LARS1: variants seen among roughly 807,000 people sequenced by gnomAD.
The protein encoded by LARS1 is leucine--tRNA ligase, cytoplasmic.
A neutral mutation model predicts 162.8 loss-of-function variants in LARS1; 100 were observed. The observed-to-expected ratio is 0.61, with a 90% CI of 0.52 to 0.73. The LOEUF (loss-of-function observed/expected upper bound fraction) is 0.73, where lower values mean the gene tolerates loss of function less well. Ranked by LOEUF, LARS1 falls within the 30% of genes least tolerant of loss-of-function variation. LARS1 has a pLI of 0.00. For synonymous variants in LARS1, 457 were observed against 462.8 expected (o/e 0.99, Z 0.16); for missense variants, 1,258 against 1,408.9 (o/e 0.89, Z 1.71).
chr5:146,132,825 A>T, intron 23 of LARS1, 73 bp downstream of exon 23: 1 of 1,161,534 alleles, frequency 8.6e-7, no homozygotes, highest in South Asian at 1.6e-5. Flanking sequence ...AAGAAAAGAA[A>T]AGAAAAAGAA....
intron 28 of LARS1, among the ~76,000 whole-genome samples, chr5:146,125,790 G>A (rs781086414): frequency 6.6e-6 from 1 of 151,942 alleles, no homozygotes; most frequent in Non-Finnish European, 1.5e-5. Flanking sequence ...CATCAGCGAC[G>A]TATATGAAGA....
intron 15 of LARS1, among the ~76,000 whole-genome samples, chr5:146,147,763 A>T (rs1391940169): frequency 2.0e-5 from 3 of 152,172 alleles, no homozygotes; most frequent in Admixed American, 2.0e-4. Context: ...ATAATCAAGA[A>T]AAAAGTCAAG....
In LARS1 at chr5:146,157,569, A is replaced by T. The variant is rs1753586972; in HGVS notation, c.899T>A (p.Phe300Tyr). 1.2e-6 allele frequency: 2 copies of T among 1,614,172 alleles called. No individual in the cohort carries two copies. Among genetic ancestry groups the T allele is most frequent in the African/African-American group, 2.7e-5 (2 of 75,050 alleles). Residue 300 changes from phenylalanine to tyrosine, a missense_variant, in exon 10 of 32, where the codon TTT becomes TAT. Phe to Tyr is a conservative substitution (Grantham distance 22, BLOSUM62 3). Coordinates refer to ENST00000394434, the MANE Select transcript of LARS1 (RefSeq NM_020117.11). Reference sequence around the variant, plus strand: ...ACGAACCCAACAATTTGTCTGCCCAAACATGGTCTCAGGTCTGAGAGTAGC... The same window carrying T: ...ACGAACCCAACAATTTGTCTGCCCATACATGGTCTCAGGTCTGAGAGTAGC... ...VAATLRPETM[F>Y]GQTNCWVRPD...
At chr5:146,125,491 AAAC>A (rs1752004503) in intron 28 of LARS1, among the ~76,000 whole-genome samples, 3 of 152,158 alleles carry the variant, frequency 2.0e-5, no homozygotes, top group South Asian at 4.1e-4. Flanking sequence ...TTGTATTTTT[AAAC>A]AACATTTACT....
At chr5:146,159,044 C>T (rs983904588) in intron 8 of LARS1, among the ~76,000 whole-genome samples, 46 of 151,200 alleles carry the variant, frequency 3.0e-4, no homozygotes, top group Non-Finnish European at 5.3e-4. Context: ...TGCAGTGAGC[C>T]GAGATAGCAC....
chr5:146,117,897 G>C (rs1751629357), intron 31 of LARS1, among the ~76,000 whole-genome samples: 1 of 152,206 alleles, frequency 6.6e-6, no homozygotes. Flanking sequence ...GTAGGAAGTA[G>C]AACAGTGTGG....
At chr5:146,118,697 G>C (rs1022709482) in intron 31 of LARS1, among the ~76,000 whole-genome samples, 6 of 152,150 alleles carry the variant, frequency 3.9e-5, no homozygotes, top group African/African-American at 1.4e-4. Context: ...GTGATTACCA[G>C]GGACTGGAGG....
chr5:146,129,073 T>C lies in LARS1; in HGVS notation c.2674A>G (p.Asn892Asp), dbSNP rs61732383. The stretch of plus-strand genomic sequence containing the variant: ...TGTGAGGAGTGTATTAAAACTTCAT[T>C]AACAGGACCTGCCACAGGCCATGAA... ...NASWPVAGPV[N>D]EVLIHSSQYL... is the part of the protein sequence containing the mutation. The change falls in exon 26 of 32, where the codon AAT (asparagine) becomes GAT (aspartate). Residue 892 changes from asparagine (N) to aspartate (D), a missense_variant. Transcript: ENST00000394434. The C allele has an allele frequency of 0.27, 434,743 of 1,598,302 alleles. 63,848 individuals are homozygous for C. The highest frequency in any genetic ancestry group is 0.41 in the Admixed American group (24,363 of 58,994).
intron 14 of LARS1, among the ~76,000 whole-genome samples, 170 bp from the exon 15 acceptor site, chr5:146,149,869 CT>C (rs2126508441): frequency 6.6e-6 from 1 of 151,228 alleles, no homozygotes; most frequent in South Asian, 2.1e-4. Context: ...GCATGGATAA[CT>C]AATATTTATA....
chr5:146,152,857 T>C (rs1753355862), intron 13 of LARS1, among the ~76,000 whole-genome samples: 1 of 152,238 alleles, frequency 6.6e-6, no homozygotes, highest in African/African-American at 2.4e-5. Context: ...CATATAAACA[T>C]TCATGAAAAG....
chr5:146,163,532 A>T (rs1753868004), intron 6 of LARS1, among the ~76,000 whole-genome samples: 1 of 152,180 alleles, frequency 6.6e-6, no homozygotes, highest in East Asian at 1.9e-4. Flanking sequence ...CTAAAAATAC[A>T]AAAATTAGCC....
Position 146,113,664 on chromosome 5 carries a change from T to TA in LARS1, c.*441dup, listed in dbSNP as rs35861595. ...AAATCATCATGAAGTTCTCTTCATTTAAAAAAAAAAGCTGCTAATTTACTA... is the reference window on the plus strand; with the variant it reads ...AAATCATCATGAAGTTCTCTTCATTTAAAAAAAAAAAGCTGCTAATTTACTA... On this transcript the variant is annotated 3_prime_UTR_variant, in exon 32 of 32. Transcript: ENST00000394434. The TA allele has an allele frequency of 0.23, 33,856 of 150,144 alleles. 4,645 individuals are homozygous for TA. The highest frequency in any genetic ancestry group is 0.33 in the Admixed American group (5,072 of 15,190). 9.3% of individuals were successfully genotyped at this position (150,144 alleles called of 1,614,324 possible).
At position 146,159,472 on chromosome 5, in the gene LARS1, TA is replaced by T. The variant is rs1323153792; in HGVS notation, c.708-3del. ...TCTTTCGGAGAGTAAATTGTATACC[TA>T]AAAAATAAACAAAAAGTGACAAACA... On this transcript the variant is annotated splice_polypyrimidine_tract_variant and splice_region_variant and intron_variant, in intron 7 of 31. Coordinates refer to ENST00000394434, the MANE Select transcript of LARS1 (RefSeq NM_020117.11). 3 of 1,603,852 alleles carry T rather than the reference TA, an allele frequency of 1.9e-6. No individual in the cohort carries two copies. Among genetic ancestry groups the T allele is most frequent in the Admixed American group, 1.7e-5 (1 of 59,926 alleles).
intron 18 of LARS1, 121 bp downstream of exon 18, chr5:146,144,146 G>T: frequency 1.4e-6 from 1 of 706,838 alleles, no homozygotes; most frequent in Non-Finnish European, 2.4e-6. Flanking sequence ...CCATCCAGAG[G>T]AAACTTACTG....
intron 25 of LARS1, among the ~76,000 whole-genome samples, chr5:146,129,443 C>T (rs532235765): frequency 3.8e-4 from 58 of 152,288 alleles, no homozygotes; most frequent in Admixed American, 1.5e-3. Flanking sequence ...TGCATACACT[C>T]AGTTTTTATC....
intron 31 of LARS1, among the ~76,000 whole-genome samples, chr5:146,118,499 C>A (rs559692068): frequency 2.0e-5 from 3 of 152,212 alleles, no homozygotes; most frequent in African/African-American, 7.2e-5. Context: ...TTCAAAATAG[C>A]TGTAAGAGGA....
chr5:146,160,891 T>A (rs963213218), intron 6 of LARS1, among the ~76,000 whole-genome samples: 4 of 152,158 alleles, frequency 2.6e-5, no homozygotes, highest in Admixed American at 2.0e-4. Flanking sequence ...ATAGGCAATG[T>A]TAGGTTCTAG....
At chr5:146,169,747 C>T (rs1322935005) in intron 4 of LARS1, among the ~76,000 whole-genome samples, 2 of 152,020 alleles carry the variant, frequency 1.3e-5, no homozygotes, top group Non-Finnish European at 2.9e-5. Context: ...TGGGGTTTCA[C>T]CACGTTGGCC....
chr5:146,143,869 G>T (rs927772205), intron 18 of LARS1, among the ~76,000 whole-genome samples: 1 of 152,196 alleles, frequency 6.6e-6, no homozygotes, highest in Admixed American at 6.5e-5. Context: ...AGGCATGGTG[G>T]TGGGTGCCTG....
Sources: allele counts gnomAD v4.1 joint callset (sites outside exome capture counted in the v4.1 genomes callset), GRCh38; gene constraint gnomAD v4.1.1; transcripts MANE v1.5; gene names NCBI Gene and HGNC (gene_info 2026-07-23, HGNC 2026-07-21).